TMEM63B: variants seen among roughly 807,000 people sequenced by gnomAD.
TMEM63B encodes mechanosensitive cation channel TMEM63B.
TMEM63B carries 23 observed loss-of-function variants against 102.6 expected under a neutral mutation model. The observed-to-expected ratio is 0.22, with a 90% CI of 0.16 to 0.32. TMEM63B has a LOEUF of 0.32. Among genes scored for constraint, TMEM63B ranks in the 10% least tolerant of loss-of-function variants. The pLI is 1.00. For missense variants in TMEM63B, 628 were observed against 1,095.9 expected (o/e 0.57, Z 6.03); for synonymous variants, 444 against 437.0 (o/e 1.02, Z -0.20).
rs1329062363 is a variant in TMEM63B, at chr6:44,148,367, A to G, written c.1103A>G (p.Asn368Ser). 1.2e-6 allele frequency: 2 copies of G among 1,614,254 alleles called. No individual in the cohort carries two copies. ...GGCATGGCCTTTGTCACCTTCCACA[A>G]TGAGACTATCACCGCCATGTGAGTC... Reference protein sequence around the residue: ...PLGMAFVTFHNETITAIILKD... With the variant: ...PLGMAFVTFHSETITAIILKD... Residue 368 changes from asparagine (N) to serine (S), a missense_variant, in exon 13 of 24, where the codon AAT (asparagine) becomes AGT (serine). By Grantham distance (46) the Asn-to-Ser change is conservative. Around this residue, in one of 6 missense-constraint regions of TMEM63B, gnomAD observed 336 missense variants for 580.3 expected, o/e 0.58. Coordinates refer to ENST00000323267, the MANE Select transcript of TMEM63B (RefSeq NM_018426.3). This position sits in a 1 kb window ranked among gnomAD's most constrained non-coding sequence, Gnocchi z 5.1.
chr6:44,130,387 A>G (rs899930857), intron 1 of TMEM63B, among the ~76,000 whole-genome samples: 14 of 152,008 alleles, frequency 9.2e-5, no homozygotes, highest in South Asian at 2.1e-4. Flanking sequence ...AGTTAAATAA[A>G]CATTTAATAC....
intron 1 of TMEM63B, among the ~76,000 whole-genome samples, chr6:44,130,159 G>A (rs1391488348): frequency 3.3e-5 from 5 of 152,190 alleles, no homozygotes; most frequent in Non-Finnish European, 5.9e-5. Context: ...TGGTGGAAGT[G>A]GCTCTTGTTT....
chr6:44,134,075 A>G (rs1200180517), intron 1 of TMEM63B, among the ~76,000 whole-genome samples: 2 of 152,186 alleles, frequency 1.3e-5, no homozygotes, highest in African/African-American at 2.4e-5. Flanking sequence ...TCTAATAGGC[A>G]TAGAAAGAAA....
intron 1 of TMEM63B, among the ~76,000 whole-genome samples, chr6:44,131,933 A>G (rs978683779): frequency 3.9e-5 from 6 of 152,038 alleles, no homozygotes; most frequent in African/African-American, 1.4e-4. Flanking sequence ...AAGAACTGCC[A>G]CCTCCCATCC....
chr6:44,155,035 T>A lies in TMEM63B; in HGVS notation c.*152T>A, dbSNP rs1362008976. On this transcript the variant is annotated 3_prime_UTR_variant, in exon 24 of 24. Transcript: ENST00000323267. ...TTTAAACTTGGGGGTTTCACTGCTC[T>A]CCCCCATGATGGAGGGAGGGAGCCC... 7 of 691,364 alleles carry A rather than the reference T, an allele frequency of 1.0e-5. No individual in the cohort carries two copies. The highest frequency in any genetic ancestry group is 1.5e-5 in the Non-Finnish European group (7 of 464,938). 42.8% of individuals were successfully genotyped at this position (691,364 alleles called of 1,614,324 possible). A position where few individuals can be genotyped will look rare whatever the true frequency, so the allele number is the denominator to read the frequency against.
intron 5 of TMEM63B, among the ~76,000 whole-genome samples, chr6:44,137,969 G>A (rs1201016804): frequency 6.6e-6 from 1 of 152,122 alleles, no homozygotes; most frequent in Non-Finnish European, 1.5e-5. Context: ...AAAAGTGCTG[G>A]GATTACAGGC....
chr6:44,138,013 T>TACCTTGCAGCTCATAGTG (rs1763349467), intron 5 of TMEM63B, among the ~76,000 whole-genome samples: 1 of 152,148 alleles, frequency 6.6e-6, no homozygotes, highest in Admixed American at 6.5e-5. Context: ...GGTGGGGAGA[T>TACCTTGCAGCTCATAGTG]ACCTTGCAGC....
intron 20 of TMEM63B, among the ~76,000 whole-genome samples, chr6:44,153,281 G>T (rs1259467155): frequency 6.6e-6 from 1 of 152,142 alleles, no homozygotes; most frequent in Non-Finnish European, 1.5e-5. Flanking sequence ...GTTATTGAAG[G>T]CTCCAAGTTC....
intron 10 of TMEM63B, among the ~76,000 whole-genome samples, chr6:44,143,812 G>T (rs1161485975): frequency 2.0e-5 from 3 of 152,078 alleles, no homozygotes; most frequent in African/African-American, 7.2e-5. Context: ...GTTGGGAAGG[G>T]TTGCTATTTC....
chr6:44,149,108 C>G, intron 15 of TMEM63B, 163 bp downstream of exon 15: 1 of 1,037,616 alleles, frequency 9.6e-7, no homozygotes, highest in Non-Finnish European at 1.4e-6. Context: ...CTTGGGCTCC[C>G]TGCCACCTTC....
intron 4 of TMEM63B, among the ~76,000 whole-genome samples, chr6:44,136,017 C>T (rs568725196): frequency 7.2e-5 from 11 of 152,258 alleles, no homozygotes; most frequent in African/African-American, 2.6e-4. Flanking sequence ...CGTTGCCCGC[C>T]CCCGGCCCCT....
chr6:44,148,737 C>A lies in TMEM63B; in HGVS notation c.1260-55C>A. ...GAGGAGAGGGAGTGTCTTGGTGTCA[C>A]TGGGGGCCAATCCTGCCCTTGGTTC... On this transcript the variant is annotated intron_variant, in intron 14 of 23. Coordinates refer to ENST00000323267, the MANE Select transcript of TMEM63B (RefSeq NM_018426.3). This position sits in a 1 kb window ranked among gnomAD's most constrained non-coding sequence, Gnocchi z 5.1. The A allele has an allele frequency of 3.1e-6, 5 of 1,611,336 alleles. No individual in the cohort carries two copies. The highest frequency in any genetic ancestry group is 3.4e-6 in the Non-Finnish European group (4 of 1,177,804).
rs757272447 is a variant in TMEM63B at position 44,154,385 on chromosome 6, T to C, written c.2247T>C (p.Asp749=). The part of the protein sequence containing the change: ...HNYKIEHTET[D]TVDPRSNGRP... The stretch of plus-strand genomic sequence containing the variant: ...TCAAGATTGAGCACACGGAGACAGA[T>C]ACTGTGGACCCCAGAAGCAATGGAC... Residue 749 remains aspartate (D), a synonymous_variant, in exon 23 of 24, where the codon GAT becomes GAC. Transcript: ENST00000323267. 2 of 1,613,984 alleles carry C rather than the reference T, an allele frequency of 1.2e-6. No homozygotes were observed. Among genetic ancestry groups the C allele is most frequent in the Non-Finnish European group, 1.7e-6 (2 of 1,179,944 alleles).
Position 44,154,128 on chromosome 6 carries a change from C to T in TMEM63B, c.2166C>T (p.Val722=), listed in dbSNP as rs1309016587. 1 of 1,614,168 alleles carries T rather than the reference C, an allele frequency of 6.2e-7. No individual in the cohort carries two copies. Among genetic ancestry groups the T allele is most frequent in the Non-Finnish European group, 8.5e-7 (1 of 1,180,006 alleles). ...TTGTGGTCCTGGTCATCACCATCGT[C>T]ATCTGTCTCTGCCACGTCTGCTTTG... ...FTFVVLVITI[V]ICLCHVCFGH... The change falls in exon 22 of 24, where the codon GTC becomes GTT. Residue 722 remains valine (V), a synonymous_variant. Transcript: ENST00000323267.
At chr6:44,138,939 C>T (rs1184822788) in intron 6 of TMEM63B, 2 of 262,428 alleles carry the variant, frequency 7.6e-6, no homozygotes, top group East Asian at 1.8e-4. Flanking sequence ...CAGGTCAGCA[C>T]TGCCGCCACC....
At chr6:44,147,551 C>T in intron 12 of TMEM63B, 51 bp downstream of exon 12, 1 of 1,600,138 alleles carries the variant, frequency 6.2e-7, no homozygotes, top group Non-Finnish European at 8.5e-7. Context: ...AGGTCCTGGG[C>T]AGGCAAGGCT....
In TMEM63B at chr6:44,154,394, C is replaced by T. The variant is rs745780774; in HGVS notation, c.2256C>T (p.Asp752=). 6.2e-7 allele frequency: 1 copy of T among 1,613,866 alleles called. No individual in the cohort carries two copies. The highest frequency in any genetic ancestry group is 8.5e-7 in the Non-Finnish European group (1 of 1,179,954). ...AGCACACGGAGACAGATACTGTGGA[C>T]CCCAGAAGCAATGGACGGCCCCCCA... is the stretch of plus-strand genomic sequence containing the variant. ...KIEHTETDTV[D]PRSNGRPPTA... Residue 752 remains aspartate (D), a synonymous_variant, in exon 23 of 24, where the codon GAC becomes GAT. Coordinates refer to ENST00000323267, the MANE Select transcript of TMEM63B (RefSeq NM_018426.3).
intron 1 of TMEM63B, among the ~76,000 whole-genome samples, chr6:44,131,647 AG>A (rs1778299477): frequency 6.6e-6 from 1 of 152,136 alleles, no homozygotes; most frequent in Admixed American, 6.5e-5. Flanking sequence ...TGAACCCAGG[AG>A]GCAGAGGTTG....
At chr6:44,147,010 C>A in intron 11 of TMEM63B, 83 bp downstream of exon 11, 1 of 1,457,502 alleles carries the variant, frequency 6.9e-7, no homozygotes, top group Non-Finnish European at 9.6e-7. Context: ...ACAGGCTCCC[C>A]TTCTAGATTT....
Sources: gnomAD v4.1 joint callset for allele counts (sites outside exome capture counted in the v4.1 genomes callset) on GRCh38, gnomAD v4.1.1 for gene constraint, gnomAD v4.1.1 regional missense constraint, Gnocchi (gnomAD v3.1) non-coding constraint, MANE v1.5 for transcripts, NCBI Gene and HGNC (gene_info 2026-07-23, HGNC 2026-07-21) for gene names.